Variants in GBP1 observed in about 807,000 individuals in gnomAD.
The protein encoded by GBP1 is guanylate-binding protein 1.
A neutral mutation model predicts 69.5 loss-of-function variants in GBP1; 64 were observed. The ratio of observed to expected loss-of-function variants is 0.92; its 90% CI spans 0.75 to 1.13. The LOEUF is 1.13. Ranked by LOEUF, GBP1 falls within the 50% of genes most tolerant of loss-of-function variation. The probability of loss-of-function intolerance (pLI) is 0.00; values close to 1 mark genes in which losing one functional copy is unlikely to be tolerated. For synonymous variants in GBP1, 250 were observed against 261.2 expected (o/e 0.96, Z 0.41); for missense variants, 630 against 704.1 (o/e 0.89, Z 1.19).
chr1:89,057,354 A>G (rs1315950765), intron 6 of GBP1, among the ~76,000 whole-genome samples: 18 of 152,204 alleles, frequency 1.2e-4, no homozygotes, highest in Non-Finnish European at 2.4e-4. Flanking sequence ...ATGCATACCA[A>G]CATTTGAGAG....
intron 6 of GBP1, 33 bp from the exon 7 acceptor site, chr1:89,057,167 G>T: frequency 6.2e-7 from 1 of 1,610,726 alleles, no homozygotes; most frequent in South Asian, 1.1e-5. Flanking sequence ...AATGTTTCTG[G>T]TGGTAAAGAA....
chr1:89,064,460 C>G (rs985292290), intron 1 of GBP1, among the ~76,000 whole-genome samples: 4 of 152,190 alleles, frequency 2.6e-5, no homozygotes, highest in African/African-American at 9.6e-5. Context: ...CTGCTCTCTA[C>G]TAAAAGAAGA....
intron 2 of GBP1, among the ~76,000 whole-genome samples, chr1:89,061,815 TAAAC>T (rs1680205837): frequency 1.3e-5 from 2 of 151,766 alleles, no homozygotes; most frequent in Non-Finnish European, 2.9e-5. Context: ...GCAACAGAAA[TAAAC>T]AACCAGATTA....
At chr1:89,056,361 A>G in intron 7 of GBP1, 133 bp from the exon 8 acceptor site, 1 of 1,456,088 alleles carries the variant, frequency 6.9e-7, no homozygotes, top group East Asian at 2.4e-5. Context: ...CACCAGGACC[A>G]CACTCTTCCT....
In GBP1 at chr1:89,063,139, A is replaced by C; in HGVS notation, c.96T>G (p.Ser32=). 6.2e-7 allele frequency: 1 copy of C among 1,614,146 alleles called. No individual in the cohort carries two copies. The change falls in exon 2 of 11, where the codon TCT becomes TCG. Residue 32 remains serine (S), a synonymous_variant. Coordinates refer to ENST00000370473, the MANE Select transcript of GBP1 (RefSeq NM_002053.3). ...CCACCACCATAGGCTGTGTAATGGC[A>C]GAAAGGATCTTCAGAGCTTCTGGAT... The part of the protein sequence containing the change: ...MANPEALKIL[S]AITQPMVVVA...
chr1:89,064,707 T>C (rs1680292462), intron 1 of GBP1, among the ~76,000 whole-genome samples: 1 of 152,220 alleles, frequency 6.6e-6, no homozygotes, highest in African/African-American at 2.4e-5. Context: ...TTACTCTGCT[T>C]CTCATTTGCT....
rs139696290 is a variant in GBP1 at position 89,056,854 on chromosome 1, C to T, written c.1155G>A (p.Ala385=). The T allele has an allele frequency of 1.9e-4, 311 of 1,613,366 alleles. No individual in the cohort carries two copies. The highest frequency in any genetic ancestry group is 2.3e-4 in the Non-Finnish European group (275 of 1,179,572). The change falls in exon 7 of 11, where the codon GCG becomes GCA. Residue 385 remains alanine (A), a splice_region_variant and synonymous_variant. Coordinates refer to ENST00000370473, the MANE Select transcript of GBP1 (RefSeq NM_002053.3). The stretch of plus-strand genomic sequence containing the variant: ...CGTATACATTTGAGACAAAAATTAC[C>T]GCTAACTCCTTTTGAAATAGATGGT... The part of the protein sequence containing the change: ...DVDHLFQKEL[A]AQLEKKRDDF...
Position 89,052,444 on chromosome 1 carries a change from A to C in GBP1, c.*911T>G, listed in dbSNP as rs1291935332. 6.6e-6 allele frequency: 1 copy of C among 152,192 alleles called. No individual in the cohort carries two copies. The highest frequency in any genetic ancestry group is 1.5e-5 in the Non-Finnish European group (1 of 68,036). 9.4% of individuals were successfully genotyped at this position (152,192 alleles called of 1,614,324 possible). ...CAAGAGCATTATTAAATGAGTCAAAAATGTCAAAAAAAATCCCATATTCTC... is the reference window on the plus strand; with the variant it reads ...CAAGAGCATTATTAAATGAGTCAAACATGTCAAAAAAAATCCCATATTCTC... On this transcript the variant is annotated 3_prime_UTR_variant, in exon 11 of 11. Transcript: ENST00000370473.
chr1:89,062,986 G>A (rs192904897), intron 2 of GBP1, 59 bp downstream of exon 2: 3 of 1,590,592 alleles, frequency 1.9e-6, no homozygotes, highest in Admixed American at 1.7e-5. Flanking sequence ...CTTCATAATG[G>A]AGGCTGACTG....
At chr1:89,058,498 A>G in intron 5 of GBP1, 1 of 518,804 alleles carries the variant, frequency 1.9e-6, no homozygotes, top group African/African-American at 1.9e-5. Flanking sequence ...TGCTTGGACT[A>G]GCACACGGTT....
chr1:89,060,349 G>A lies in GBP1; in HGVS notation c.191-25C>T, dbSNP rs183022787. The A allele has an allele frequency of 7.2e-6, 11 of 1,527,808 alleles. No homozygotes were observed. The East Asian group carries it at 1.2e-4, about 17-fold the overall frequency. The allele number at this position is 1,527,808 out of a possible 1,614,324, so 94.6% of individuals were successfully genotyped here. ...CCTGCAAGGGAGAGAGGAGACCAGC[G>A]ATGGGGATTTAGTAACAGGCAGTTC... On this transcript the variant is annotated intron_variant, in intron 2 of 10. Coordinates refer to ENST00000370473, the MANE Select transcript of GBP1 (RefSeq NM_002053.3).
Position 89,053,426 on chromosome 1 carries a change from T to G in GBP1, c.1708A>C (p.Arg570=), listed in dbSNP as rs1244588432. 1.1e-5 allele frequency: 17 copies of G among 1,613,958 alleles called. 1 individual carries two copies. In the East Asian group the frequency reaches 2.2e-4, roughly 21 times the overall value. ...LLKEGFQKES[R]IMKNEIQDLQ... Reference sequence around the variant, plus strand: ...TCCTGTATCTCATTTTTCATTATTCTGCTTTCTTTTTGAAATCCCTCTTTT... The same window carrying G: ...TCCTGTATCTCATTTTTCATTATTCGGCTTTCTTTTTGAAATCCCTCTTTT... Residue 570 remains arginine, a synonymous_variant, in exon 11 of 11, where the codon AGA becomes CGA. Transcript: ENST00000370473.
Position 89,056,936 on chromosome 1 carries a change from C to G in GBP1, c.1073G>C (p.Arg358Thr), listed in dbSNP as rs149073593. Residue 358 changes from arginine to threonine, a missense_variant, in exon 7 of 11, where the codon AGG becomes ACG. Arg to Thr is a moderately conservative substitution (Grantham distance 71). Coordinates refer to ENST00000370473, the MANE Select transcript of GBP1 (RefSeq NM_002053.3). Reference protein sequence around the residue: ...ETLQELLDLHRDSEREAIEVF... With the variant: ...ETLQELLDLHTDSEREAIEVF... ...TTCAATGGCCTCTCTCTCACTGTCC[C>G]TGTGCAGGTCCAGCAGCTCCTGGAG... 672 of 1,614,142 alleles carry G rather than the reference C, an allele frequency of 4.2e-4. No homozygotes were observed. Among genetic ancestry groups the G allele is most frequent in the Non-Finnish European group, 5.2e-4 (616 of 1,180,052 alleles).
chr1:89,057,292 G>A (rs1167692499), intron 6 of GBP1, among the ~76,000 whole-genome samples, 158 bp from the exon 7 acceptor site: 2 of 152,180 alleles, frequency 1.3e-5, no homozygotes, highest in African/African-American at 2.4e-5. Flanking sequence ...GACCCTGTCC[G>A]AGATCTATTG....
In GBP1 at chr1:89,059,449, G is replaced by A. The variant is rs189739868; in HGVS notation, c.319-23C>T. 959 of 1,612,094 alleles carry A rather than the reference G, an allele frequency of 5.9e-4. 8 individuals carry two copies. In the African/African-American group the frequency reaches 0.011, roughly 19 times the overall value. ...ACCCTGGAAGTCAAGACACACTGGA[G>A]TCAGGAGCAAGTTTCATCATCGCAG... On this transcript the variant is annotated intron_variant, in intron 3 of 10. Transcript: ENST00000370473.
intron 10 of GBP1, 62 bp downstream of exon 10, chr1:89,054,620 C>A: frequency 6.9e-7 from 1 of 1,452,810 alleles, no homozygotes; most frequent in Non-Finnish European, 9.5e-7. Flanking sequence ...ACTAAGTTTG[C>A]GATCAGGGAG....
At chr1:89,053,575 A>C (rs1239291688) in intron 10 of GBP1, 107 bp from the exon 11 acceptor site, 2 of 1,484,910 alleles carry the variant, frequency 1.3e-6, no homozygotes, top group Non-Finnish European at 1.8e-6. Context: ...TCTCTGAGTC[A>C]CGCAAGACGT....
chr1:89,060,716 A>G lies in GBP1; in HGVS notation c.191-392T>C, dbSNP rs187361997. ...TGCAAGTCCTATCCAGAGTAATTAGACAAGAGAAGCATAAAGGAGGCATCC... is the reference window on the plus strand; with the variant it reads ...TGCAAGTCCTATCCAGAGTAATTAGGCAAGAGAAGCATAAAGGAGGCATCC... On this transcript the variant is annotated intron_variant, in intron 2 of 10. Transcript: ENST00000370473. Among the ~76,000 whole-genome samples the G allele has an allele frequency of 2.6e-5, 4 of 152,378 alleles. No homozygotes were observed. In the East Asian group the frequency reaches 7.7e-4, roughly 29 times the overall value.
intron 5 of GBP1, 200 bp from the exon 6 acceptor site, chr1:89,058,434 A>C: frequency 1.8e-6 from 1 of 559,046 alleles, no homozygotes; most frequent in Non-Finnish European, 3.1e-6. Flanking sequence ...TTATTTACAA[A>C]GACAGCTGGC....
Sources: gnomAD v4.1 joint callset for allele counts (sites outside exome capture counted in the v4.1 genomes callset) on GRCh38, gnomAD v4.1.1 for gene constraint, MANE v1.5 for transcripts, NCBI Gene and HGNC (gene_info 2026-07-23, HGNC 2026-07-21) for gene names.